NELL1: variants seen among roughly 807,000 people sequenced by gnomAD.
NELL1 encodes the protein protein kinase C-binding protein NELL1.
NELL1 carries 76 observed loss-of-function variants against 107.4 expected under a neutral mutation model. The observed-to-expected ratio is 0.71, with a 90% CI of 0.59 to 0.86. The LOEUF (loss-of-function observed/expected upper bound fraction) is 0.86, where lower values mean the gene tolerates loss of function less well. Among genes scored for constraint, NELL1 ranks in the 40% least tolerant of loss-of-function variants. The probability of loss-of-function intolerance (pLI) is 0.00; values close to 1 mark genes in which losing one functional copy is unlikely to be tolerated. For missense variants in NELL1, 1,024 were observed against 1,005.5 expected, an observed-to-expected ratio of 1.02 and a Z score of -0.25; for synonymous variants, 353 against 341.2, an observed-to-expected ratio of 1.03 and a Z score of -0.38.
intron 9 of NELL1, among the ~76,000 whole-genome samples, chr11:20,931,971 A>T (rs1850628132): frequency 6.6e-6 from 1 of 152,138 alleles, no homozygotes; most frequent in South Asian, 2.1e-4. Context: ...CTGCTCACTC[A>T]CTGAGTGTTC....
intron 2 of NELL1, among the ~76,000 whole-genome samples, chr11:20,776,587 T>A (rs1025329121): frequency 6.6e-6 from 1 of 151,990 alleles, no homozygotes; most frequent in African/African-American, 2.4e-5. Context: ...GGAACCTGAG[T>A]TGGCCTGGGG....
intron 12 of NELL1, among the ~76,000 whole-genome samples, chr11:21,080,837 C>T (rs1022928489): frequency 3.3e-5 from 5 of 151,994 alleles, no homozygotes; most frequent in African/African-American, 4.8e-5. Context: ...TTTACATCCT[C>T]GCCAACAAAG....
intron 16 of NELL1, among the ~76,000 whole-genome samples, chr11:21,553,072 T>G (rs2133992485): frequency 6.6e-6 from 1 of 152,018 alleles, no homozygotes; most frequent in Admixed American, 6.6e-5. Flanking sequence ...CTTTGACTTC[T>G]GTGTAAATTG....
intron 15 of NELL1, among the ~76,000 whole-genome samples, chr11:21,429,683 C>T (rs556812308): frequency 1.3e-3 from 195 of 152,300 alleles, no homozygotes; most frequent in African/African-American, 4.6e-3. Context: ...GGTGCATTCT[C>T]CCTTGCCTGG....
intron 15 of NELL1, among the ~76,000 whole-genome samples, chr11:21,517,649 C>A (rs1405893354): frequency 1.3e-5 from 2 of 152,098 alleles, no homozygotes; most frequent in African/African-American, 4.8e-5. Context: ...TTAGTCATAA[C>A]CAGTATCACT....
intron 15 of NELL1, among the ~76,000 whole-genome samples, chr11:21,410,841 A>G (rs1279421727): frequency 6.6e-6 from 1 of 152,108 alleles, no homozygotes; most frequent in African/African-American, 2.4e-5. Context: ...TTTCTGTGGA[A>G]TTAGACGCTA....
At chr11:20,897,343 G>A (rs1849763676) in intron 5 of NELL1, among the ~76,000 whole-genome samples, 1 of 152,164 alleles carries the variant, frequency 6.6e-6, no homozygotes, top group African/African-American at 2.4e-5. Context: ...ATGGTGCTGG[G>A]AAAACTGGCT....
chr11:20,927,144 T>TA (rs1034266561), intron 7 of NELL1, 164 bp from the exon 8 acceptor site: 53 of 589,604 alleles, frequency 9.0e-5, no homozygotes, highest in Admixed American at 2.5e-4. Flanking sequence ...CCACCTTGTG[T>TA]AAAAAAAATA....
chr11:21,475,110 A>G (rs1265057198), intron 15 of NELL1, among the ~76,000 whole-genome samples: 1 of 152,194 alleles, frequency 6.6e-6, no homozygotes, highest in African/African-American at 2.4e-5. Flanking sequence ...AAAGGAAAAA[A>G]AAGCTAAAAG....
intron 13 of NELL1, 118 bp from the exon 14 acceptor site, chr11:21,229,214 G>A (rs773924925): frequency 1.7e-5 from 19 of 1,112,896 alleles, no homozygotes; most frequent in Non-Finnish European, 2.3e-5. Context: ...GCATAGTAAG[G>A]TACTGACAAG....
chr11:21,346,567 A>G (rs935973585), intron 14 of NELL1, among the ~76,000 whole-genome samples: 1 of 147,500 alleles, frequency 6.8e-6, no homozygotes, highest in African/African-American at 2.5e-5. Flanking sequence ...TATTTGATAT[A>G]ATAATATATA....
chr11:20,841,232 C>T (rs954638631), intron 3 of NELL1, among the ~76,000 whole-genome samples: 1 of 152,122 alleles, frequency 6.6e-6, no homozygotes. Context: ...TCAGAATTCT[C>T]CACTGGACGT....
rs191052941 is a variant in NELL1, at chr11:21,393,321, C to G, written c.1645+22373C>G. On this transcript the variant is annotated intron_variant, in intron 15 of 19. Coordinates refer to ENST00000357134, the MANE Select transcript of NELL1 (RefSeq NM_006157.5). ...GAACTGAGAAATAGTGTAGAAAGAC[C>G]AGGGGGTCAAAAGCTTTGATAGCTG... 3.1e-3 allele frequency among the ~76,000 whole-genome samples: 470 copies of G among 151,402 alleles called. 2 individuals are homozygous for G. The highest frequency in any genetic ancestry group is 5.2e-3 in the Non-Finnish European group (355 of 67,662).
intron 15 of NELL1, among the ~76,000 whole-genome samples, chr11:21,515,272 A>G (rs150716068): frequency 7.2e-5 from 11 of 152,284 alleles, no homozygotes; most frequent in African/African-American, 1.9e-4. Flanking sequence ...GTCATGGGAA[A>G]ATGATAGGAG....
At chr11:21,299,581 T>A (rs1430137173) in intron 14 of NELL1, among the ~76,000 whole-genome samples, 7 of 150,648 alleles carry the variant, frequency 4.6e-5, no homozygotes, top group African/African-American at 1.5e-4. Context: ...TTTGGACCCA[T>A]ATAAATTGGT....
intron 2 of NELL1, among the ~76,000 whole-genome samples, chr11:20,689,538 T>C (rs927115503): frequency 6.7e-6 from 1 of 149,092 alleles, no homozygotes; most frequent in Non-Finnish European, 1.5e-5. Context: ...ATGCGGTGTT[T>C]GGTTTTTTGT....
chr11:21,380,039 T>A (rs1158982767), intron 15 of NELL1, among the ~76,000 whole-genome samples: 1 of 152,088 alleles, frequency 6.6e-6, no homozygotes. Context: ...GGCAAGGGCA[T>A]CTGGGGGGAG....
intron 15 of NELL1, among the ~76,000 whole-genome samples, chr11:21,409,134 A>C (rs1325053290): frequency 6.6e-6 from 1 of 152,130 alleles, no homozygotes; most frequent in South Asian, 2.1e-4. Context: ...ATGCACACGT[A>C]TGTTTATTGC....
chr11:20,783,927 C>A, intron 3 of NELL1, 97 bp downstream of exon 3: 1 of 1,184,456 alleles, frequency 8.4e-7, no homozygotes, highest in Non-Finnish European at 1.1e-6. Flanking sequence ...TGAAAACTTT[C>A]ATCTAACTGA....
Sources: gnomAD v4.1 joint callset for allele counts (sites outside exome capture counted in the v4.1 genomes callset) on GRCh38, gnomAD v4.1.1 for gene constraint, MANE v1.5 for transcripts, NCBI Gene and HGNC (gene_info 2026-07-23, HGNC 2026-07-21) for gene names.